Variants in ZC3H11A observed in about 807,000 individuals in gnomAD.
ZC3H11A encodes the protein zinc finger CCCH-type containing 11A, also known as zinc finger CCCH domain-containing protein 11A.
In ZC3H11A, 22 loss-of-function variants were observed where a neutral mutation model predicts 90.8. The ratio of observed to expected loss-of-function variants is 0.24; its 90% confidence interval spans 0.17 to 0.35. The LOEUF (loss-of-function observed/expected upper bound fraction) is 0.35, where lower values mean the gene tolerates loss of function less well. Ranked by LOEUF, ZC3H11A falls within the 10% of genes least tolerant of loss-of-function variation. The pLI is 1.00. For missense variants in ZC3H11A, 701 were observed against 964.9 expected (o/e 0.73, Z 3.62); for synonymous variants, 294 against 339.8 (o/e 0.87, Z 1.48).
At chr1:203,808,650 C>T (rs1023140610) in intron 2 of ZC3H11A, among the ~76,000 whole-genome samples, 1 of 151,988 alleles carries the variant, frequency 6.6e-6, no homozygotes, top group Non-Finnish European at 1.5e-5. Context: ...GGTTTGGATT[C>T]GTGGAGATGT....
intron 3 of ZC3H11A, among the ~76,000 whole-genome samples, chr1:203,817,845 C>G (rs1676883922): frequency 6.6e-6 from 1 of 151,920 alleles, no homozygotes; most frequent in Non-Finnish European, 1.5e-5. Context: ...CTCCGCCTCC[C>G]AGGTTCAAGC....
intron 4 of ZC3H11A, among the ~76,000 whole-genome samples, chr1:203,824,347 G>C (rs1679792567): frequency 6.6e-6 from 1 of 151,892 alleles, no homozygotes; most frequent in South Asian, 2.1e-4. Flanking sequence ...AAAATCTCTG[G>C]AAGTATAAAG....
intron 1 of ZC3H11A, chr1:203,796,536 T>A (rs1421360855): frequency 5.0e-6 from 2 of 398,794 alleles, no homozygotes; most frequent in Non-Finnish European, 8.8e-6. Flanking sequence ...TGTTGACATC[T>A]TCCAGGCCTT....
intron 9 of ZC3H11A, among the ~76,000 whole-genome samples, chr1:203,832,394 T>A (rs1487732982): frequency 6.6e-6 from 1 of 151,496 alleles, no homozygotes; most frequent in Admixed American, 6.6e-5. Context: ...GGAGTCTTGC[T>A]CTGTCGCCCA....
chr1:203,829,036 T>C (rs1162634479), intron 5 of ZC3H11A, among the ~76,000 whole-genome samples: 1 of 152,230 alleles, frequency 6.6e-6, no homozygotes, highest in African/African-American at 2.4e-5. Flanking sequence ...GATGGCTACA[T>C]CTTTTTACCT....
At chr1:203,819,089 T>TACACACACACACAC (rs200302232) in intron 4 of ZC3H11A, among the ~76,000 whole-genome samples, 2 of 140,956 alleles carry the variant, frequency 1.4e-5, no homozygotes, top group African/African-American at 5.4e-5. Context: ...TATATATATA[T>TACACACACACACAC]ACACACACAC....
chr1:203,809,495 G>A (rs924260310), intron 2 of ZC3H11A, among the ~76,000 whole-genome samples: 1 of 151,976 alleles, frequency 6.6e-6, no homozygotes, highest in South Asian at 2.1e-4. Context: ...TTTCATAGTG[G>A]TATGTTCATT....
At chr1:203,835,670 ACT>A (rs1367128153) in intron 10 of ZC3H11A, 4 of 239,900 alleles carry the variant, frequency 1.7e-5, no homozygotes, top group Non-Finnish European at 3.6e-5. Context: ...GAACCACACC[ACT>A]GTTTCCATGG....
intron 12 of ZC3H11A, among the ~76,000 whole-genome samples, chr1:203,846,161 G>T (rs6685483): frequency 0.017 from 1,650 of 96,764 alleles, 38 homozygotes; most frequent in African/African-American, 0.05. Flanking sequence ...TAATTTTTTT[G>T]GGGGGGGGGT....
At chr1:203,796,502 G>C (rs1032792907) in intron 1 of ZC3H11A, 2 of 398,960 alleles carry the variant, frequency 5.0e-6, no homozygotes, top group African/African-American at 4.1e-5. Context: ...AATCGGTGCG[G>C]ATTCCTATGG....
At position 203,852,594 on chromosome 1, in the gene ZC3H11A, G is replaced by T; in HGVS notation, c.*195G>T. On this transcript the variant is annotated 3_prime_UTR_variant, in exon 18 of 18. Transcript: ENST00000367210. ...TTTAAAGTTACTTTATAACCATTTT[G>T]TCCATTTGATGCCATTGTTTATCAT... 2 of 621,616 alleles carry T rather than the reference G, an allele frequency of 3.2e-6. No homozygotes were observed. Among genetic ancestry groups the T allele is most frequent in the Non-Finnish European group, 5.5e-6 (2 of 365,506 alleles). The allele number at this position is 621,616 out of a possible 1,614,324, so 38.5% of individuals were successfully genotyped here. A position where few individuals can be genotyped will look rare whatever the true frequency, so the allele number is the denominator to read the frequency against.
At chr1:203,815,379 C>CTTT (rs397711285) in intron 2 of ZC3H11A, among the ~76,000 whole-genome samples, 16 of 96,898 alleles carry the variant, frequency 1.7e-4, no homozygotes, top group Admixed American at 2.6e-4. Flanking sequence ...CCACACCCAG[C>CTTT]TTTTTTTTTT....
At chr1:203,819,995 A>AC (rs1338675351) in intron 4 of ZC3H11A, among the ~76,000 whole-genome samples, 1 of 151,474 alleles carries the variant, frequency 6.6e-6, no homozygotes, top group Non-Finnish European at 1.5e-5. Context: ...CCAGCACTTT[A>AC]CTAGGCTGAG....
At chr1:203,849,215 C>T (rs1688695780) in intron 14 of ZC3H11A, among the ~76,000 whole-genome samples, 2 of 152,138 alleles carry the variant, frequency 1.3e-5, no homozygotes, top group South Asian at 4.1e-4. Flanking sequence ...TATATGCATG[C>T]ATGTGAATTT....
intron 4 of ZC3H11A, among the ~76,000 whole-genome samples, chr1:203,819,881 G>A (rs1320423181): frequency 3.3e-5 from 5 of 151,070 alleles, no homozygotes; most frequent in African/African-American, 9.7e-5. Flanking sequence ...TATTACCATC[G>A]TTTAATCCTT....
At chr1:203,831,435 C>T (rs533749820) in intron 8 of ZC3H11A, among the ~76,000 whole-genome samples, 2 of 152,102 alleles carry the variant, frequency 1.3e-5, no homozygotes, top group African/African-American at 4.8e-5. Flanking sequence ...GTTTGGGTGC[C>T]TAAGTCACTC....
At chr1:203,800,364 T>C (rs1290743523) in intron 1 of ZC3H11A, 1 of 960,126 alleles carries the variant, frequency 1.0e-6, no homozygotes, top group South Asian at 1.4e-5. Context: ...GAAAATGAAC[T>C]TGAAAAATGT....
chr1:203,799,943 A>C (rs1670022557), intron 1 of ZC3H11A: 1 of 1,536,032 alleles, frequency 6.5e-7, no homozygotes, highest in Non-Finnish European at 8.7e-7. Flanking sequence ...AATCTTCACC[A>C]GAGATCTGCC....
chr1:203,806,171 C>A, intron 2 of ZC3H11A: 1 of 493,752 alleles, frequency 2.0e-6, no homozygotes, highest in South Asian at 1.5e-5. Flanking sequence ...GAAATCTTGT[C>A]AGTGGATTCT....
Sources: gnomAD v4.1 joint callset for allele counts (sites outside exome capture counted in the v4.1 genomes callset) on GRCh38, gnomAD v4.1.1 for gene constraint, MANE v1.5 for transcripts, NCBI Gene and HGNC (gene_info 2026-07-23, HGNC 2026-07-21) for gene names.